The following FBXL20 variants were observed in gnomAD, a reference collection of about 807,000 sequenced individuals.
FBXL20 encodes F-box/LRR-repeat protein 20.
FBXL20 carries 11 observed loss-of-function variants against 64.0 expected under a neutral mutation model. That is an observed-to-expected ratio of 0.17 (90% CI 0.11 to 0.28). The LOEUF (loss-of-function observed/expected upper bound fraction) is 0.28, where lower values mean the gene tolerates loss of function less well. Among genes scored for constraint, FBXL20 ranks in the 10% least tolerant of loss-of-function variants. The probability of loss-of-function intolerance (pLI) is 1.00; values close to 1 mark genes in which losing one functional copy is unlikely to be tolerated. For synonymous variants in FBXL20, 184 were observed against 189.0 expected (o/e 0.97, Z 0.22); for missense variants, 303 against 526.2 (o/e 0.58, Z 4.15).
intron 9 of FBXL20, among the ~76,000 whole-genome samples, chr17:39,280,213 G>A (rs991199236): frequency 2.1e-4 from 30 of 140,896 alleles, no homozygotes; most frequent in Admixed American, 3.8e-4. Context: ...TCCAGCCCAG[G>A]CAACAGTGCA....
At chr17:39,402,510 A>G (rs1175717943), upstream of FBXL20, 2 of 202,386 alleles carry the variant, frequency 9.9e-6, no homozygotes, top group Non-Finnish European at 1.9e-5. Flanking sequence ...GAGCCGGGCA[A>G]CCCTTCCTTT....
At chr17:39,262,924 C>A (rs2046759994) in intron 14 of FBXL20, among the ~76,000 whole-genome samples, 1 of 151,844 alleles carries the variant, frequency 6.6e-6, no homozygotes, top group African/African-American at 2.4e-5. Context: ...ATAGCGTGAA[C>A]CTGGGAGGCA....
chr17:39,278,431 CGT>C (rs751194099), intron 9 of FBXL20, among the ~76,000 whole-genome samples: 3 of 152,006 alleles, frequency 2.0e-5, no homozygotes, highest in Admixed American at 6.5e-5. Flanking sequence ...TAGGCACGCG[CGT>C]GTGTGCACAC....
chr17:39,301,326 T>G (rs1376506744), intron 3 of FBXL20, among the ~76,000 whole-genome samples: 4 of 152,090 alleles, frequency 2.6e-5, no homozygotes, highest in African/African-American at 4.8e-5. Context: ...GCATGGTGAC[T>G]CAAATTTATA....
chr17:39,352,706 G>GA (rs1201428997), intron 1 of FBXL20, among the ~76,000 whole-genome samples: 1 of 146,880 alleles, frequency 6.8e-6, no homozygotes, highest in Non-Finnish European at 1.5e-5. Flanking sequence ...AAGAAAAGAA[G>GA]AAAAAAAAGG....
chr17:39,301,083 A>G lies in FBXL20; in HGVS notation c.160-8T>C. On this transcript the variant is annotated splice_polypyrimidine_tract_variant and splice_region_variant and intron_variant, in intron 3 of 14. Transcript: ENST00000264658. ...AGCCAGAACATTCCAGGCCTATTTT[A>G]AAGAAAAAGAGACAGAATGAGCAGA... The G allele has an allele frequency of 6.2e-7, 1 of 1,612,754 alleles. No homozygotes were observed. Among genetic ancestry groups the G allele is most frequent in the Non-Finnish European group, 8.5e-7 (1 of 1,179,424 alleles).
chr17:39,389,638 G>T (rs1192784970), intron 1 of FBXL20, among the ~76,000 whole-genome samples: 1 of 152,092 alleles, frequency 6.6e-6, no homozygotes, highest in Non-Finnish European at 1.5e-5. Context: ...CTAACACGGT[G>T]AAACCCTGTC....
At chr17:39,394,841 G>A (rs1399024836) in intron 1 of FBXL20, among the ~76,000 whole-genome samples, 4 of 152,034 alleles carry the variant, frequency 2.6e-5, no homozygotes, top group African/African-American at 7.2e-5. Flanking sequence ...TTACAAGCCC[G>A]AGCCACTGTG....
At chr17:39,273,835 A>AAC (rs2046868044) in intron 10 of FBXL20, among the ~76,000 whole-genome samples, 2 of 150,482 alleles carry the variant, frequency 1.3e-5, no homozygotes, top group Admixed American at 1.3e-4. Flanking sequence ...AAAAAAAAAA[A>AAC]GGCGATAATA....
In FBXL20 at chr17:39,259,981, TAA is replaced by T. The variant is rs754354912; in HGVS notation, c.*1477_*1478del. 1.7e-4 allele frequency: 13 copies of T among 78,488 alleles called. No homozygotes were observed. Among genetic ancestry groups the T allele is most frequent in the Admixed American group, 1.6e-4 (1 of 6,430 alleles). 4.9% of individuals were successfully genotyped at this position (78,488 alleles called of 1,614,324 possible). On this transcript the variant is annotated 3_prime_UTR_variant, in exon 15 of 15. Transcript: ENST00000264658. ...TCTGGGCAAGAGTGAGAACCCGTCT[TAA>T]AAAAAAAAAAAAAAAAAAAAAAAGA...
At chr17:39,384,831 T>C (rs2048061875) in intron 1 of FBXL20, among the ~76,000 whole-genome samples, 1 of 151,854 alleles carries the variant, frequency 6.6e-6, no homozygotes, top group Admixed American at 6.6e-5. Context: ...GGTGGTGTAA[T>C]CCCAGCTACT....
intron 1 of FBXL20, among the ~76,000 whole-genome samples, chr17:39,349,328 A>G (rs1010507141): frequency 8.3e-6 from 1 of 120,612 alleles, no homozygotes; most frequent in Non-Finnish European, 1.8e-5. Flanking sequence ...CCATCTCAAA[A>G]AAAAAAAAAA....
At chr17:39,321,192 G>C (rs1202666035) in intron 2 of FBXL20, among the ~76,000 whole-genome samples, 1 of 152,062 alleles carries the variant, frequency 6.6e-6, no homozygotes, top group Non-Finnish European at 1.5e-5. Context: ...GGTGGCTCAC[G>C]CTTGTAATCC....
intron 1 of FBXL20, among the ~76,000 whole-genome samples, chr17:39,381,176 T>C (rs972078524): frequency 6.9e-6 from 1 of 145,946 alleles, no homozygotes; most frequent in Non-Finnish European, 1.5e-5. Context: ...AAAAAAAAGT[T>C]GTTAATAAAA....
At chr17:39,393,106 T>C (rs552086833) in intron 1 of FBXL20, among the ~76,000 whole-genome samples, 1 of 151,708 alleles carries the variant, frequency 6.6e-6, no homozygotes, top group East Asian at 1.9e-4. Context: ...CTGGCCAAAA[T>C]GGCAAAACCC....
chr17:39,341,933 G>C (rs2047586812), intron 2 of FBXL20, among the ~76,000 whole-genome samples: 1 of 152,186 alleles, frequency 6.6e-6, no homozygotes, highest in Non-Finnish European at 1.5e-5. Flanking sequence ...AAGCAAGAAA[G>C]AGCACAAGTA....
At chr17:39,359,021 T>C (rs753042943) in intron 1 of FBXL20, among the ~76,000 whole-genome samples, 4 of 152,034 alleles carry the variant, frequency 2.6e-5, no homozygotes, top group Non-Finnish European at 4.4e-5. Context: ...TCACAATCAT[T>C]AGGAAGGCTA....
At chr17:39,318,894 C>T (rs1485023419) in intron 2 of FBXL20, among the ~76,000 whole-genome samples, 3 of 152,100 alleles carry the variant, frequency 2.0e-5, no homozygotes, top group Non-Finnish European at 4.4e-5. Context: ...TATTAAAATA[C>T]TGAGAAGTCT....
intron 1 of FBXL20, among the ~76,000 whole-genome samples, chr17:39,397,895 T>G (rs1453302813): frequency 1.3e-5 from 2 of 151,260 alleles, no homozygotes; most frequent in Non-Finnish European, 2.9e-5. Flanking sequence ...GTTCCCCCAC[T>G]TACTAGGTGT....
Sources: gnomAD v4.1 joint callset for allele counts (sites outside exome capture counted in the v4.1 genomes callset) on GRCh38, gnomAD v4.1.1 for gene constraint, MANE v1.5 for transcripts, NCBI Gene and HGNC (gene_info 2026-07-23, HGNC 2026-07-21) for gene names.